The following WDR64 variants were observed in gnomAD, a reference collection of about 807,000 sequenced individuals.
WDR64 encodes the protein WD repeat-containing protein 64.
WDR64 carries 112 observed loss-of-function variants against 139.3 expected under a neutral mutation model. That is an observed-to-expected ratio of 0.80 (90% CI 0.69 to 0.94). The LOEUF (loss-of-function observed/expected upper bound fraction) is 0.94. Ranked by LOEUF, WDR64 falls within the 40% of genes least tolerant of loss-of-function variation. The pLI is 0.00. For missense variants in WDR64, 1,206 were observed against 1,293.1 expected, an observed-to-expected ratio of 0.93 and a Z score of 1.03; for synonymous variants, 444 against 437.7, an observed-to-expected ratio of 1.01 and a Z score of -0.18.
At position 241,656,141 on chromosome 1, in the gene WDR64, C is replaced by G. The variant is rs147274831; in HGVS notation, c.145+3512C>G. The stretch of plus-strand genomic sequence containing the variant: ...AGACAAGTTACCTTCTATCACGGGG[C>G]GGCCTAAGAAAGAGTGAGGAGAAGG... On this transcript the variant is annotated intron_variant, in intron 1 of 27. Transcript: ENST00000437684. This position sits in a 1 kb window ranked among gnomAD's most constrained non-coding sequence, Gnocchi z 4.3. 3.3e-5 allele frequency among the ~76,000 whole-genome samples: 5 copies of G among 152,126 alleles called. No individual in the cohort carries two copies. Among genetic ancestry groups the G allele is most frequent in the Non-Finnish European group, 7.4e-5 (5 of 68,026 alleles).
chr1:241,654,189 C>A (rs1665486859), intron 1 of WDR64, among the ~76,000 whole-genome samples: 1 of 152,198 alleles, frequency 6.6e-6, no homozygotes, highest in African/African-American at 2.4e-5. Context: ...CAGTTTGCTG[C>A]AGCAGCTTCA....
rs543729352 is a variant in WDR64 at position 241,683,805 on chromosome 1, A to G, written c.839+104A>G. Reference sequence around the variant, plus strand: ...AAATGAGATTTAAATTACAGAAAATAAGAAATTAAGACAAAATTAAAGTAA... The same window carrying G: ...AAATGAGATTTAAATTACAGAAAATGAGAAATTAAGACAAAATTAAAGTAA... On this transcript the variant is annotated intron_variant, in intron 7 of 27. Coordinates refer to ENST00000437684, the MANE Select transcript of WDR64 (RefSeq NM_001367482.1). 54 of 987,204 alleles carry G rather than the reference A, an allele frequency of 5.5e-5. No individual in the cohort carries two copies. In the East Asian group the frequency reaches 1.4e-3, roughly 26 times the overall value. The allele number at this position is 987,204 out of a possible 1,614,324, so 61.2% of individuals were successfully genotyped here.
chr1:241,668,275 C>T (rs552738970), intron 2 of WDR64, among the ~76,000 whole-genome samples: 79 of 150,730 alleles, frequency 5.2e-4, no homozygotes, highest in Non-Finnish European at 6.1e-4. Context: ...TTTGGGAGGC[C>T]GAGGGGGGCG....
Position 241,787,913 on chromosome 1 carries a change from T to C in WDR64, c.2770T>C (p.Ser924Pro), listed in dbSNP as rs764904636. The stretch of plus-strand genomic sequence containing the variant: ...TGGACAGCGAAGGCTCTTTGAATTA[T>C]CACAGACAAGAGATTTCATTTTGCC... The part of the protein sequence containing the change: ...YFGQRRLFEL[S>P]QTRDFILPCD... Residue 924 changes from serine to proline, a missense_variant, in exon 24 of 28, where the codon TCA becomes CCA. Physicochemically the swap from Ser to Pro is moderately conservative, Grantham distance 74. Transcript: ENST00000437684. 6.2e-7 allele frequency: 1 copy of C among 1,612,996 alleles called. No homozygotes were observed. Among genetic ancestry groups the C allele is most frequent in the Non-Finnish European group, 8.5e-7 (1 of 1,179,620 alleles).
intron 12 of WDR64, among the ~76,000 whole-genome samples, chr1:241,743,586 G>A (rs1013738403): frequency 4.6e-5 from 7 of 152,128 alleles, no homozygotes; most frequent in Admixed American, 3.3e-4. Flanking sequence ...TGCATATGCT[G>A]TCCTCTCCGC....
intron 27 of WDR64, among the ~76,000 whole-genome samples, chr1:241,799,303 G>A (rs9428893): frequency 0.21 from 31,085 of 149,304 alleles, 3,637 homozygotes; most frequent in East Asian, 0.43. Context: ...CTTGAGCCTG[G>A]AAAGTGGACG....
At position 241,766,239 on chromosome 1, in the gene WDR64, C is replaced by G; in HGVS notation, c.1969C>G (p.Arg657Gly). The change falls in exon 16 of 28, where the codon CGA becomes GGA. Residue 657 changes from arginine (R) to glycine (G), a missense_variant. Arg to Gly is a moderately radical substitution (Grantham distance 125). Transcript: ENST00000437684. The part of the protein sequence containing the change: ...PTDNPTMDLL[R>G]VNCIDLLQVE... ...TCAGAATCCCACCATGGATTTATTA[C>G]GAGTGAACTGCATTGATTTACTACA... 2 of 1,613,840 alleles carry G rather than the reference C, an allele frequency of 1.2e-6. No homozygotes were observed. Among genetic ancestry groups the G allele is most frequent in the Non-Finnish European group, 1.7e-6 (2 of 1,179,850 alleles).
At chr1:241,795,021 A>G (rs925214631) in intron 25 of WDR64, among the ~76,000 whole-genome samples, 186 bp from the exon 26 acceptor site, 1 of 152,192 alleles carries the variant, frequency 6.6e-6, no homozygotes, top group African/African-American at 2.4e-5. Flanking sequence ...ACACAGTGGT[A>G]CTAAATCTTA....
At position 241,723,286 on chromosome 1, in the gene WDR64, C is replaced by T; in HGVS notation, c.1055-11C>T. ...AGAAAACCAACAATCTTTCCCTGTC[C>T]TCCTTTTCAGGAGATGATAAGGTCA... On this transcript the variant is annotated splice_polypyrimidine_tract_variant and intron_variant, in intron 9 of 27. Coordinates refer to ENST00000437684, the MANE Select transcript of WDR64 (RefSeq NM_001367482.1). The T allele has an allele frequency of 6.2e-7, 1 of 1,613,278 alleles. No individual in the cohort carries two copies. The highest frequency in any genetic ancestry group is 8.5e-7 in the Non-Finnish European group (1 of 1,179,598).
chr1:241,738,333 A>G (rs1669402018), intron 10 of WDR64, 30 bp from the exon 11 acceptor site: 1 of 1,606,220 alleles, frequency 6.2e-7, no homozygotes, highest in Non-Finnish European at 8.5e-7. Flanking sequence ...GAGTATAAAT[A>G]GTGGTAAACT....
Position 241,735,533 on chromosome 1 carries a change from C to CTTTTTT in WDR64, c.1195-2816_1195-2811dup, listed in dbSNP as rs58339742. On this transcript the variant is annotated intron_variant, in intron 10 of 27. Coordinates refer to ENST00000437684, the MANE Select transcript of WDR64 (RefSeq NM_001367482.1). ...GTTCTCTGTCTCTCTCTCTCTCTCT[C>CTTTTTT]TTTTTTTTTTTTTTTTTTTGATACG... is the stretch of plus-strand genomic sequence containing the variant. Among the ~76,000 whole-genome samples the CTTTTTT allele has an allele frequency of 7.1e-3, 731 of 103,442 alleles. 41 individuals carry two copies. Among genetic ancestry groups the CTTTTTT allele is most frequent in the African/African-American group, 0.027 (704 of 26,280 alleles). 67.9% of individuals were successfully genotyped at this position (103,442 alleles called of 152,430 possible).
intron 15 of WDR64, among the ~76,000 whole-genome samples, chr1:241,758,942 T>A (rs185467140): frequency 1.5e-4 from 23 of 152,338 alleles, no homozygotes; most frequent in Admixed American, 1.4e-3. Flanking sequence ...AATGCACTAC[T>A]ATTTTGCACT....
chr1:241,666,092 C>T (rs1666015417), intron 2 of WDR64, among the ~76,000 whole-genome samples: 1 of 152,098 alleles, frequency 6.6e-6, no homozygotes, highest in African/African-American at 2.4e-5. Flanking sequence ...AAATGAATCA[C>T]TTAAAGCATG....
intron 14 of WDR64, among the ~76,000 whole-genome samples, chr1:241,751,471 C>CA (rs1212007769): frequency 6.6e-6 from 1 of 151,914 alleles, no homozygotes; most frequent in East Asian, 1.9e-4. Context: ...AAAACAAAAA[C>CA]AAAAAAACAA....
intron 4 of WDR64, among the ~76,000 whole-genome samples, chr1:241,676,671 C>T (rs886889104): frequency 5.9e-5 from 9 of 151,814 alleles, no homozygotes; most frequent in African/African-American, 1.9e-4. Context: ...CACGTGTATA[C>T]TCACAAACGT....
chr1:241,784,727 G>A (rs892181193), intron 23 of WDR64, among the ~76,000 whole-genome samples: 2 of 151,834 alleles, frequency 1.3e-5, no homozygotes, highest in Admixed American at 6.6e-5. Context: ...AGGCCGAGGC[G>A]GGTGGATCAC....
chr1:241,762,285 A>T (rs1657949562), intron 15 of WDR64, among the ~76,000 whole-genome samples: 1 of 150,042 alleles, frequency 6.7e-6, no homozygotes, highest in Non-Finnish European at 1.5e-5. Context: ...TTCAATGAGC[A>T]GTAATATTTT....
chr1:241,761,376 C>T (rs1170687852), intron 15 of WDR64, among the ~76,000 whole-genome samples: 1 of 151,766 alleles, frequency 6.6e-6, no homozygotes, highest in African/African-American at 2.4e-5. Flanking sequence ...CCAAACTTAC[C>T]CTTCTTGTTA....
chr1:241,701,361 A>T, intron 8 of WDR64, among the ~76,000 whole-genome samples: 1 of 152,350 alleles, frequency 6.6e-6, no homozygotes, highest in Non-Finnish European at 1.5e-5. Context: ...TTTTTTCAAA[A>T]TGCATATTTG....
Sources: gnomAD v4.1 joint callset for allele counts (sites outside exome capture counted in the v4.1 genomes callset) on GRCh38, gnomAD v4.1.1 for gene constraint, Gnocchi (gnomAD v3.1) non-coding constraint, MANE v1.5 for transcripts, NCBI Gene and HGNC (gene_info 2026-07-23, HGNC 2026-07-21) for gene names.